Variants in CNTN3 observed in about 807,000 individuals in gnomAD.
The protein encoded by CNTN3 is contactin-3.
A neutral mutation model predicts 119.1 loss-of-function variants in CNTN3; 60 were observed. That is an observed-to-expected ratio of 0.50 (90% CI 0.41 to 0.62). The LOEUF is 0.62. Among genes scored for constraint, CNTN3 ranks in the 20% least tolerant of loss-of-function variants. The pLI is 0.00. For synonymous variants in CNTN3, 450 were observed against 438.7 expected, an observed-to-expected ratio of 1.03 and a Z score of -0.32; for missense variants, 1,101 against 1,242.4, an observed-to-expected ratio of 0.89 and a Z score of 1.71.
At chr3:74,310,761 G>A (rs1025961368) in intron 13 of CNTN3, among the ~76,000 whole-genome samples, 4 of 152,150 alleles carry the variant, frequency 2.6e-5, no homozygotes, top group African/African-American at 9.7e-5. Flanking sequence ...TTACTACTTG[G>A]TAGGGAGCAG....
At chr3:74,435,989 C>A (rs893513058) in intron 4 of CNTN3, among the ~76,000 whole-genome samples, 1 of 152,196 alleles carries the variant, frequency 6.6e-6, no homozygotes, top group Non-Finnish European at 1.5e-5. Context: ...TGCTAAAACG[C>A]CTATACACAT....
intron 1 of CNTN3, among the ~76,000 whole-genome samples, chr3:74,554,434 T>C (rs1364330925): frequency 6.6e-6 from 1 of 152,190 alleles, no homozygotes; most frequent in East Asian, 1.9e-4. Context: ...TTTAAAGTAG[T>C]TTTTTCCAAT....
intron 11 of CNTN3, among the ~76,000 whole-genome samples, chr3:74,348,568 C>CA (rs765904098): frequency 4.9e-4 from 75 of 152,126 alleles, no homozygotes; most frequent in South Asian, 1.7e-3. Flanking sequence ...AGGAAGCCTA[C>CA]ACTCACCCAT....
intron 17 of CNTN3, 30 bp downstream of exon 17, chr3:74,299,838 T>C: frequency 6.3e-7 from 1 of 1,584,652 alleles, no homozygotes; most frequent in Middle Eastern, 1.7e-4. Flanking sequence ...AGCAAGACCC[T>C]GATGGGGAAG....
chr3:74,511,862 T>C (rs1223566864), intron 2 of CNTN3, among the ~76,000 whole-genome samples: 1 of 152,076 alleles, frequency 6.6e-6, no homozygotes, highest in African/African-American at 2.4e-5. Context: ...GCTGAGAATA[T>C]TTACTATCTA....
chr3:74,356,790 C>A (rs1703943921), intron 11 of CNTN3, among the ~76,000 whole-genome samples: 1 of 152,086 alleles, frequency 6.6e-6, no homozygotes, highest in South Asian at 2.1e-4. Flanking sequence ...AGAAACAACT[C>A]TCATTTCTTC....
chr3:74,399,513 T>C (rs926505945), intron 5 of CNTN3, among the ~76,000 whole-genome samples: 8 of 152,212 alleles, frequency 5.3e-5, no homozygotes, highest in Non-Finnish European at 1.0e-4. Flanking sequence ...ATGGTGTATA[T>C]GTACCACATT....
chr3:74,523,744 C>T (rs75227248), intron 1 of CNTN3, among the ~76,000 whole-genome samples: 5,648 of 151,910 alleles, frequency 0.037, 127 homozygotes, highest in South Asian at 0.065. Context: ...ATATATGAAG[C>T]TCTGCCCTAT....
intron 13 of CNTN3, among the ~76,000 whole-genome samples, chr3:74,318,929 T>C (rs1046348842): frequency 2.0e-5 from 3 of 152,016 alleles, no homozygotes; most frequent in African/African-American, 7.2e-5. Context: ...GCTGTCTTTA[T>C]ATAAAATACC....
chr3:74,476,272 A>G (rs1191570955), intron 4 of CNTN3, among the ~76,000 whole-genome samples: 1 of 152,214 alleles, frequency 6.6e-6, no homozygotes, highest in African/African-American at 2.4e-5. Context: ...GCAATAGTTC[A>G]GTATTCATTA....
chr3:74,378,734 A>C (rs988818793), intron 5 of CNTN3, among the ~76,000 whole-genome samples: 2 of 152,248 alleles, frequency 1.3e-5, no homozygotes, highest in African/African-American at 4.8e-5. Flanking sequence ...TAAAATGTTT[A>C]TCTGGTCTTT....
intron 13 of CNTN3, among the ~76,000 whole-genome samples, chr3:74,307,046 G>A (rs1312184728): frequency 6.6e-6 from 1 of 152,108 alleles, no homozygotes; most frequent in Non-Finnish European, 1.5e-5. Flanking sequence ...TTTAACATAT[G>A]AGCAGAAGTT....
At chr3:74,524,663 T>TC (rs1703590330) in intron 1 of CNTN3, among the ~76,000 whole-genome samples, 1 of 151,664 alleles carries the variant, frequency 6.6e-6, no homozygotes, top group South Asian at 2.1e-4. Context: ...TGGACACCAC[T>TC]CCCCCATCAA....
intron 13 of CNTN3, among the ~76,000 whole-genome samples, chr3:74,315,931 T>G (rs1039581647): frequency 6.6e-6 from 1 of 152,194 alleles, no homozygotes; most frequent in Non-Finnish European, 1.5e-5. Context: ...TTTTTAATAC[T>G]GGCCTTGGCA....
At chr3:74,300,839 T>A (rs1349455477) in intron 16 of CNTN3, among the ~76,000 whole-genome samples, 1 of 152,186 alleles carries the variant, frequency 6.6e-6, no homozygotes, top group African/African-American at 2.4e-5. Flanking sequence ...CTAGTTTGAG[T>A]TTTAATGCTA....
chr3:74,421,320 C>T (rs1047476580), intron 5 of CNTN3, among the ~76,000 whole-genome samples: 6 of 151,904 alleles, frequency 3.9e-5, no homozygotes, highest in Admixed American at 6.6e-5. Flanking sequence ...AGGTGTGCAC[C>T]GCCATGCTCA....
At chr3:74,485,986 ACTT>A (rs1702849518) in intron 4 of CNTN3, among the ~76,000 whole-genome samples, 1 of 152,100 alleles carries the variant, frequency 6.6e-6, no homozygotes, top group Admixed American at 6.6e-5. Flanking sequence ...ACATATGGTA[ACTT>A]CTTCTTGTTC....
rs1217653378 is a variant in CNTN3 at position 74,364,566 on chromosome 3, T to C, written c.1114A>G (p.Thr372Ala). The change falls in exon 10 of 23, where the codon ACA (threonine) becomes GCA (alanine). Residue 372 changes from threonine (T) to alanine (A), a missense_variant. Transcript: ENST00000263665. ...TCAGTCACACTTAGGTTTGATATTG[T>C]AAGGGCACCATTTTCTATCTGTGTT... Reference protein sequence around the residue: ...ERTQIENGALTISNLSVTDSG... With the variant: ...ERTQIENGALAISNLSVTDSG... 6.2e-7 allele frequency: 1 copy of C among 1,609,964 alleles called. No homozygotes were observed. Among genetic ancestry groups the C allele is most frequent in the Non-Finnish European group, 8.5e-7 (1 of 1,176,798 alleles).
intron 13 of CNTN3, among the ~76,000 whole-genome samples, chr3:74,323,206 A>G (rs187112333): frequency 5.3e-5 from 8 of 152,254 alleles, no homozygotes; most frequent in Admixed American, 5.2e-4. Context: ...CTGGTATGGG[A>G]TGCTGATAGT....
Sources: gnomAD v4.1 joint callset for allele counts (sites outside exome capture counted in the v4.1 genomes callset) on GRCh38, gnomAD v4.1.1 for gene constraint, MANE v1.5 for transcripts, NCBI Gene and HGNC (gene_info 2026-07-23, HGNC 2026-07-21) for gene names.